OR10G9: variants seen among roughly 807,000 people sequenced by gnomAD.
OR10G9 encodes olfactory receptor 10G9.
For synonymous variants in OR10G9, 149 were observed against 161.0 expected (o/e 0.93, Z 0.56); for missense variants, 347 against 378.6 (o/e 0.92, Z 0.69).
rs79417294 is a variant in OR10G9 at position 124,023,622 on chromosome 11, C to G, written c.610C>G (p.Leu204Val). The change falls in exon 1 of 1, where the codon CTA becomes GTA. Residue 204 changes from leucine to valine, a missense_variant. Leu to Val is a conservative substitution (Grantham distance 32, BLOSUM62 1). Coordinates refer to ENST00000375024, the MANE Select transcript of OR10G9 (RefSeq NM_001001953.1). ...NEMVIFVDIG[L>V]VASGCFLLIV... ...GATGGTCATCTTTGTGGACATTGGGCTAGTGGCCTCGGGCTGCTTTCTCCT... is the reference window on the plus strand; with the variant it reads ...GATGGTCATCTTTGTGGACATTGGGGTAGTGGCCTCGGGCTGCTTTCTCCT... 34,395 of 1,614,056 alleles carry G rather than the reference C, an allele frequency of 0.021. 2,108 individuals are homozygous for G. Among genetic ancestry groups the G allele is most frequent in the Admixed American group, 0.17 (10,189 of 60,010 alleles).
chr11:124,023,699 C>T lies in OR10G9; in HGVS notation c.687C>T (p.Thr229=), dbSNP rs1329286422. The T allele has an allele frequency of 2.5e-6, 4 of 1,614,168 alleles. No individual in the cohort carries two copies. The highest frequency in any genetic ancestry group is 2.2e-5 in the East Asian group (1 of 44,868). ...SIVCSILRIH[T]SEGRHRAFQT... ...TCTGTTCCATCCTGCGGATCCACAC[C>T]TCAGAGGGGAGGCACAGAGCCTTTC... Residue 229 remains threonine (T), a synonymous_variant, in exon 1 of 1, where the codon ACC becomes ACT. Transcript: ENST00000375024.
rs776944074 is a variant in OR10G9, at chr11:124,023,914, T to C, written c.902T>C (p.Leu301Pro). ...NKEVKKAVLKLRDKVAHSQGE is the reference protein window; with the variant it reads ...NKEVKKAVLKPRDKVAHSQGE ...GAGGTGAAGAAAGCTGTGTTGAAACTGAGAGACAAAGTAGCACATTCTCAG... is the reference window on the plus strand; with the variant it reads ...GAGGTGAAGAAAGCTGTGTTGAAACCGAGAGACAAAGTAGCACATTCTCAG... The change falls in exon 1 of 1, where the codon CTG (leucine) becomes CCG (proline). Residue 301 changes from leucine to proline, a missense_variant. Coordinates refer to ENST00000375024, the MANE Select transcript of OR10G9 (RefSeq NM_001001953.1). 5.6e-6 allele frequency: 9 copies of C among 1,606,764 alleles called. No homozygotes were observed. The highest frequency in any genetic ancestry group is 1.7e-5 in the Admixed American group (1 of 58,340).
In OR10G9 at chr11:124,023,584, C is replaced by T; in HGVS notation, c.572C>T (p.Thr191Ile). The T allele has an allele frequency of 1.2e-6, 2 of 1,614,036 alleles. No individual in the cohort carries two copies. Among genetic ancestry groups the T allele is most frequent in the South Asian group, 1.1e-5 (1 of 91,072 alleles). Reference protein sequence around the residue: ...PPILKLACADTSANEMVIFVD... With the variant: ...PPILKLACADISANEMVIFVD... ...ATCCTGAAACTGGCCTGTGCAGACA[C>T]CTCAGCCAACGAGATGGTCATCTTT... Residue 191 changes from threonine to isoleucine, a missense_variant, in exon 1 of 1, where the codon ACC becomes ATC. Physicochemically the swap from Thr to Ile is moderately conservative, Grantham distance 89. Transcript: ENST00000375024.
In OR10G9 at chr11:124,023,810, C is replaced by T; in HGVS notation, c.798C>T (p.Val266=). ...ACCTGAGACCAGGCTCCAGGGACGT[C>T]GTGGATGGAGTTGTGGCCATTTTCT... is the stretch of plus-strand genomic sequence containing the variant. ...FIYLRPGSRD[V]VDGVVAIFYT... Residue 266 remains valine, a synonymous_variant, in exon 1 of 1, where the codon GTC becomes GTT. Coordinates refer to ENST00000375024, the MANE Select transcript of OR10G9 (RefSeq NM_001001953.1). 3 of 1,614,114 alleles carry T rather than the reference C, an allele frequency of 1.9e-6. No homozygotes were observed. Among genetic ancestry groups the T allele is most frequent in the South Asian group, 1.1e-5 (1 of 91,074 alleles).
At position 124,023,067 on chromosome 11, in the gene OR10G9, C is replaced by G. The variant is rs1362944950; in HGVS notation, c.55C>G (p.Pro19Ala). 1 of 1,613,972 alleles carries G rather than the reference C, an allele frequency of 6.2e-7. No homozygotes were observed. Among genetic ancestry groups the G allele is most frequent in the East Asian group, 2.2e-5 (1 of 44,868 alleles). Residue 19 changes from proline (P) to alanine (A), a missense_variant, in exon 1 of 1, where the codon CCA becomes GCA. Transcript: ENST00000375024. ...AFILTGLPHAPGLDAPLFGIF... is the reference protein window; with the variant it reads ...AFILTGLPHAAGLDAPLFGIF... ...CATCCTCACGGGCCTTCCCCATGCC[C>G]CAGGGCTGGACGCCCCACTCTTTGG... is the stretch of plus-strand genomic sequence containing the variant.
Position 124,023,847 on chromosome 11 carries a change from A to G in OR10G9, c.835A>G (p.Thr279Ala). ...TGTGGCCATTTTCTACACTGTGCTGACACCCCTTCTCAACCCTGTTGTGTA... is the reference window on the plus strand; with the variant it reads ...TGTGGCCATTTTCTACACTGTGCTGGCACCCCTTCTCAACCCTGTTGTGTA... ...GVVAIFYTVL[T>A]PLLNPVVYTL... is the part of the protein sequence containing the mutation. Residue 279 changes from threonine (T) to alanine (A), a missense_variant, in exon 1 of 1, where the codon ACA (threonine) becomes GCA (alanine). Coordinates refer to ENST00000375024, the MANE Select transcript of OR10G9 (RefSeq NM_001001953.1). The G allele has an allele frequency of 6.2e-7, 1 of 1,614,154 alleles. No homozygotes were observed. The highest frequency in any genetic ancestry group is 8.5e-7 in the Non-Finnish European group (1 of 1,180,010).
chr11:124,023,295 A>T lies in OR10G9; in HGVS notation c.283A>T (p.Ser95Cys), dbSNP rs1251768813. ...SPSGRAISFHSCVAQLYFFHF... is the reference protein window; with the variant it reads ...SPSGRAISFHCCVAQLYFFHF... ...AAGCGGCAGGGCTATCTCCTTCCAC[A>T]GCTGCGTGGCTCAGCTCTATTTTTT... Residue 95 changes from serine to cysteine, a missense_variant, in exon 1 of 1, where the codon AGC becomes TGC. By Grantham distance (112) the Ser-to-Cys change is moderately radical. Transcript: ENST00000375024. 7.0e-6 allele frequency: 11 copies of T among 1,569,378 alleles called. No individual in the cohort carries two copies. Among genetic ancestry groups the T allele is most frequent in the South Asian group, 3.4e-5 (3 of 89,516 alleles).
Position 124,023,092 on chromosome 11 carries a change from G to T in OR10G9, c.80G>T (p.Gly27Val). 1 of 1,613,910 alleles carries T rather than the reference G, an allele frequency of 6.2e-7. No individual in the cohort carries two copies. Among genetic ancestry groups the T allele is most frequent in the Non-Finnish European group, 8.5e-7 (1 of 1,179,860 alleles). Residue 27 changes from glycine to valine, a missense_variant, in exon 1 of 1, where the codon GGA becomes GTA. Physicochemically the swap from Gly to Val is moderately radical, Grantham distance 109 (BLOSUM62 -3). Coordinates refer to ENST00000375024, the MANE Select transcript of OR10G9 (RefSeq NM_001001953.1). ...CCAGGGCTGGACGCCCCACTCTTTG[G>T]AATCTTCCTGGTGGTTTACGTGCTC... Reference protein sequence around the residue: ...HAPGLDAPLFGIFLVVYVLTV... With the variant: ...HAPGLDAPLFVIFLVVYVLTV...
Position 124,023,112 on chromosome 11 carries a change from G to T in OR10G9, c.100G>T (p.Val34Leu), listed in dbSNP as rs201447659. The T allele has an allele frequency of 2.5e-6, 4 of 1,613,658 alleles. No homozygotes were observed. The Admixed American group carries it at 6.7e-5, about 27-fold the overall frequency. The change falls in exon 1 of 1, where the codon GTG becomes TTG. Residue 34 changes from valine to leucine, a missense_variant. Val to Leu is a conservative substitution (Grantham distance 32). Transcript: ENST00000375024. ...PLFGIFLVVY[V>L]LTVLGNLLIL... is the part of the protein sequence containing the mutation. ...CTTTGGAATCTTCCTGGTGGTTTAC[G>T]TGCTCACTGTGCTGGGGAACCTCCT...
Position 124,023,902 on chromosome 11 carries a change from C to G in OR10G9, c.890C>G (p.Ala297Gly), listed in dbSNP as rs201196823. 6.2e-7 allele frequency: 1 copy of G among 1,610,806 alleles called. No homozygotes were observed. The highest frequency in any genetic ancestry group is 8.5e-7 in the Non-Finnish European group (1 of 1,178,910). The change falls in exon 1 of 1, where the codon GCT becomes GGT. Residue 297 changes from alanine (A) to glycine (G), a missense_variant. Coordinates refer to ENST00000375024, the MANE Select transcript of OR10G9 (RefSeq NM_001001953.1). ...CTGAGAAACAAGGAGGTGAAGAAAG[C>G]TGTGTTGAAACTGAGAGACAAAGTA... is the stretch of plus-strand genomic sequence containing the variant. Reference protein sequence around the residue: ...YTLRNKEVKKAVLKLRDKVAH... With the variant: ...YTLRNKEVKKGVLKLRDKVAH...
chr11:124,023,666 G>A lies in OR10G9; in HGVS notation c.654G>A (p.Val218=), dbSNP rs1362771732. 2 of 1,613,764 alleles carry A rather than the reference G, an allele frequency of 1.2e-6. No homozygotes were observed. Among genetic ancestry groups the A allele is most frequent in the Non-Finnish European group, 1.7e-6 (2 of 1,179,980 alleles). ...GCFLLIVLSY[V]SIVCSILRIH... is the part of the protein sequence containing the mutation. ...TTCTCCTGATAGTGCTGTCTTATGT[G>A]TCCATCGTCTGTTCCATCCTGCGGA... The change falls in exon 1 of 1, where the codon GTG becomes GTA. Residue 218 remains valine (V), a synonymous_variant. Coordinates refer to ENST00000375024, the MANE Select transcript of OR10G9 (RefSeq NM_001001953.1).
At position 124,023,183 on chromosome 11, in the gene OR10G9, G is replaced by A. The variant is rs371856562; in HGVS notation, c.171G>A (p.Met57Ile). Reference protein sequence around the residue: ...IRVDSHLHTPMYYFLTNLSFI... With the variant: ...IRVDSHLHTPIYYFLTNLSFI... ...TGGATTCTCACCTCCACACCCCCAT[G>A]TACTACTTCCTCACCAACCTGTCCT... The change falls in exon 1 of 1, where the codon ATG becomes ATA. Residue 57 changes from methionine to isoleucine, a missense_variant. Physicochemically the swap from Met to Ile is conservative, Grantham distance 10. Transcript: ENST00000375024. 11 of 1,612,960 alleles carry A rather than the reference G, an allele frequency of 6.8e-6. No individual in the cohort carries two copies. Among genetic ancestry groups the A allele is most frequent in the Non-Finnish European group, 9.3e-6 (11 of 1,179,632 alleles).
At position 124,023,630 on chromosome 11, in the gene OR10G9, C is replaced by T. The variant is rs1317737266; in HGVS notation, c.618C>T (p.Ala206=). 6.2e-7 allele frequency: 1 copy of T among 1,614,112 alleles called. No homozygotes were observed. Among genetic ancestry groups the T allele is most frequent in the Non-Finnish European group, 8.5e-7 (1 of 1,180,020 alleles). Residue 206 remains alanine, a synonymous_variant, in exon 1 of 1, where the codon GCC becomes GCT. Coordinates refer to ENST00000375024, the MANE Select transcript of OR10G9 (RefSeq NM_001001953.1). ...MVIFVDIGLV[A]SGCFLLIVLS... ...TCTTTGTGGACATTGGGCTAGTGGC[C>T]TCGGGCTGCTTTCTCCTGATAGTGC...
rs142615719 is a variant in OR10G9 at position 124,023,897 on chromosome 11, G to A, written c.885G>A (p.Lys295=). The A allele has an allele frequency of 1.6e-4, 257 of 1,611,910 alleles. No individual in the cohort carries two copies. The African/African-American group carries it at 3.0e-3, about 19-fold the overall frequency. ...VVYTLRNKEV[K]KAVLKLRDKV... Reference sequence around the variant, plus strand: ...ACACCCTGAGAAACAAGGAGGTGAAGAAAGCTGTGTTGAAACTGAGAGACA... The same window carrying A: ...ACACCCTGAGAAACAAGGAGGTGAAAAAAGCTGTGTTGAAACTGAGAGACA... The change falls in exon 1 of 1, where the codon AAG becomes AAA. Residue 295 remains lysine (K), a synonymous_variant. Coordinates refer to ENST00000375024, the MANE Select transcript of OR10G9 (RefSeq NM_001001953.1).
At position 124,023,653 on chromosome 11, in the gene OR10G9, T is replaced by A. The variant is rs755664748; in HGVS notation, c.641T>A (p.Val214Glu). ...GCCTCGGGCTGCTTTCTCCTGATAGTGCTGTCTTATGTGTCCATCGTCTGT... is the reference window on the plus strand; with the variant it reads ...GCCTCGGGCTGCTTTCTCCTGATAGAGCTGTCTTATGTGTCCATCGTCTGT... ...LVASGCFLLI[V>E]LSYVSIVCSI... The change falls in exon 1 of 1, where the codon GTG becomes GAG. Residue 214 changes from valine to glutamate, a missense_variant. Coordinates refer to ENST00000375024, the MANE Select transcript of OR10G9 (RefSeq NM_001001953.1). 1.2e-6 allele frequency: 2 copies of A among 1,614,122 alleles called. No individual in the cohort carries two copies. The highest frequency in any genetic ancestry group is 8.5e-7 in the Non-Finnish European group (1 of 1,180,012).
chr11:124,023,926 T>C lies in OR10G9; in HGVS notation c.914T>C (p.Val305Ala), dbSNP rs766080787. Residue 305 changes from valine to alanine, a missense_variant, in exon 1 of 1, where the codon GTA (valine) becomes GCA (alanine). Val to Ala is a moderately conservative substitution (Grantham distance 64). Transcript: ENST00000375024. Reference sequence around the variant, plus strand: ...GCTGTGTTGAAACTGAGAGACAAAGTAGCACATTCTCAGGGAGAATAAATA... The same window carrying C: ...GCTGTGTTGAAACTGAGAGACAAAGCAGCACATTCTCAGGGAGAATAAATA... ...KKAVLKLRDK[V>A]AHSQGE 35 of 1,601,276 alleles carry C rather than the reference T, an allele frequency of 2.2e-5. No individual in the cohort carries two copies. The highest frequency in any genetic ancestry group is 2.9e-5 in the Non-Finnish European group (34 of 1,174,824).
rs1864082894 is a variant in OR10G9 at position 124,023,591 on chromosome 11, C to A, written c.579C>A (p.Ala193=). 4.3e-6 allele frequency: 7 copies of A among 1,613,916 alleles called. No individual in the cohort carries two copies. Among genetic ancestry groups the A allele is most frequent in the African/African-American group, 1.3e-5 (1 of 74,894 alleles). The change falls in exon 1 of 1, where the codon GCC becomes GCA. Residue 193 remains alanine (A), a synonymous_variant. Transcript: ENST00000375024. ...AACTGGCCTGTGCAGACACCTCAGC[C>A]AACGAGATGGTCATCTTTGTGGACA... ...ILKLACADTS[A]NEMVIFVDIG...
chr11:124,023,207 C>T lies in OR10G9; in HGVS notation c.195C>T (p.Ser65=), dbSNP rs375485912. The T allele has an allele frequency of 9.3e-6, 15 of 1,612,050 alleles. No individual in the cohort carries two copies. Among genetic ancestry groups the T allele is most frequent in the Admixed American group, 1.7e-5 (1 of 59,878 alleles). The change falls in exon 1 of 1, where the codon TCC becomes TCT. Residue 65 remains serine (S), a synonymous_variant. Coordinates refer to ENST00000375024, the MANE Select transcript of OR10G9 (RefSeq NM_001001953.1). ...TGTACTACTTCCTCACCAACCTGTCCTTCATTGACATGTGGTTCTCCACTG... is the reference window on the plus strand; with the variant it reads ...TGTACTACTTCCTCACCAACCTGTCTTTCATTGACATGTGGTTCTCCACTG... ...TPMYYFLTNL[S]FIDMWFSTVT... is the part of the protein sequence containing the mutation.
rs375237507 is a variant in OR10G9, at chr11:124,023,590, C to T, written c.578C>T (p.Ala193Val). ...AAACTGGCCTGTGCAGACACCTCAGCCAACGAGATGGTCATCTTTGTGGAC... is the reference window on the plus strand; with the variant it reads ...AAACTGGCCTGTGCAGACACCTCAGTCAACGAGATGGTCATCTTTGTGGAC... The part of the protein sequence containing the change: ...ILKLACADTS[A>V]NEMVIFVDIG... Residue 193 changes from alanine (A) to valine (V), a missense_variant, in exon 1 of 1, where the codon GCC becomes GTC. Coordinates refer to ENST00000375024, the MANE Select transcript of OR10G9 (RefSeq NM_001001953.1). 29 of 1,614,030 alleles carry T rather than the reference C, an allele frequency of 1.8e-5. No individual in the cohort carries two copies. The African/African-American group carries it at 3.3e-4, about 19-fold the overall frequency.
Sources: gnomAD v4.1 joint callset for allele counts on GRCh38, gnomAD v4.1.1 for gene constraint, MANE v1.5 for transcripts, NCBI Gene and HGNC (gene_info 2026-07-23, HGNC 2026-07-21) for gene names.